ZNF540: variants seen among roughly 807,000 people sequenced by gnomAD.
ZNF540 encodes the protein zinc finger protein 540, also known as CTD-3064H18.6.
Under a neutral mutation model 11.8 loss-of-function variants are expected in ZNF540, and 3 were observed. The ratio of observed to expected loss-of-function variants is 0.25; its 90% CI spans 0.12 to 0.65. The LOEUF is 0.65. Ranked by LOEUF, ZNF540 falls within the 30% of genes least tolerant of loss-of-function variation. The probability of loss-of-function intolerance (pLI) is 0.83; values close to 1 mark genes in which losing one functional copy is unlikely to be tolerated. For synonymous variants in ZNF540, 247 were observed against 259.0 expected (o/e 0.95, Z 0.45); for missense variants, 709 against 793.1 (o/e 0.89, Z 1.27).
rs1471397396 is a variant in ZNF540 at position 37,599,632 on chromosome 19, G to A, written c.16G>A (p.Val6Met). Reference protein sequence around the residue: MAHALVTFRDVAIDFS... With the variant: MAHALMTFRDVAIDFS... ...TGTTGGTTTATGGTTTCAGGCATTG[G>A]TGACGTTCAGGGATGTGGCTATAGA... Residue 6 changes from valine to methionine, a missense_variant, in exon 3 of 5, where the codon GTG becomes ATG. Coordinates refer to ENST00000316433, the MANE Select transcript of ZNF540 (RefSeq NM_001172225.3). The A allele has an allele frequency of 1.2e-6, 2 of 1,614,018 alleles. No individual in the cohort carries two copies. Among genetic ancestry groups the A allele is most frequent in the Non-Finnish European group, 1.7e-6 (2 of 1,179,950 alleles).
intron 1 of ZNF540, among the ~76,000 whole-genome samples, chr19:37,578,793 C>CGCAGCAACCGCACCTCT (rs547383829): frequency 3.3e-5 from 5 of 152,202 alleles, no homozygotes; most frequent in Non-Finnish European, 7.3e-5. Flanking sequence ...GCTCTTCCAG[C>CGCAGCAACCGCACCTCT]GCAGCAACCG....
intron 4 of ZNF540, chr19:37,611,182 C>T (rs570775942): frequency 1.7e-4 from 24 of 140,190 alleles, no homozygotes; most frequent in South Asian, 1.4e-3. Context: ...CCATGATGCT[C>T]GGCCAATTTT....
intron 1 of ZNF540, chr19:37,555,932 A>G (rs1295126785): frequency 2.9e-6 from 2 of 700,916 alleles, no homozygotes; most frequent in Non-Finnish European, 5.2e-6. Context: ...AGGTGGCTAA[A>G]GTTACACATG....
At chr19:37,605,681 A>G (rs192271450) in intron 4 of ZNF540, among the ~76,000 whole-genome samples, 10 of 152,262 alleles carry the variant, frequency 6.6e-5, no homozygotes, top group Admixed American at 3.9e-4. Context: ...CAAAGTGGCT[A>G]TATTGTTTGG....
intron 4 of ZNF540, among the ~76,000 whole-genome samples, chr19:37,610,153 G>A (rs573925690): frequency 2.6e-5 from 4 of 152,046 alleles, no homozygotes; most frequent in African/African-American, 4.8e-5. Flanking sequence ...AGGTGAGAGA[G>A]ATTAGAGCTC....
intron 1 of ZNF540, among the ~76,000 whole-genome samples, chr19:37,559,442 A>G (rs1241075583): frequency 6.6e-6 from 1 of 152,230 alleles, no homozygotes; most frequent in Non-Finnish European, 1.5e-5. Context: ...AGAAAACTCA[A>G]CCTGAATACT....
In ZNF540 at chr19:37,611,963, A is replaced by G; in HGVS notation, c.683A>G (p.Tyr228Cys). 1 of 1,613,590 alleles carries G rather than the reference A, an allele frequency of 6.2e-7. No homozygotes were observed. The highest frequency in any genetic ancestry group is 8.5e-7 in the Non-Finnish European group (1 of 1,179,962). Residue 228 changes from tyrosine to cysteine, a missense_variant, in exon 5 of 5, where the codon TAT becomes TGT. Tyr to Cys is a radical substitution (Grantham distance 194, BLOSUM62 -2). Transcript: ENST00000316433. The stretch of plus-strand genomic sequence containing the variant: ...TGTGGGAAAGTTTTTAGTCATAGCT[A>G]TCAACTTACTCTGCATCAGAGATTT... ...EKCGKVFSHSYQLTLHQRFHT... is the reference protein window; with the variant it reads ...EKCGKVFSHSCQLTLHQRFHT...
At position 37,601,013 on chromosome 19, in the gene ZNF540, A is replaced by G. The variant is rs776367904; in HGVS notation, c.140A>G (p.Tyr47Cys). Residue 47 changes from tyrosine (Y) to cysteine (C), a missense_variant, in exon 4 of 5, where the codon TAT (tyrosine) becomes TGT (cysteine). Coordinates refer to ENST00000316433, the MANE Select transcript of ZNF540 (RefSeq NM_001172225.3). ...ENYNNLVSLG[Y>C]SGSKPDVITL... Reference sequence around the variant, plus strand: ...TTTATTTCTTTCTTGTAAGCAGGATATTCTGGCTCAAAGCCAGATGTGATT... The same window carrying G: ...TTTATTTCTTTCTTGTAAGCAGGATGTTCTGGCTCAAAGCCAGATGTGATT... 2 of 1,574,404 alleles carry G rather than the reference A, an allele frequency of 1.3e-6. No individual in the cohort carries two copies. The highest frequency in any genetic ancestry group is 4.7e-5 in the East Asian group (2 of 42,466).
rs199892724 is a variant in ZNF540, at chr19:37,561,048, CAAAAAAAAAAA to C, written c.-73+9399_-73+9409del. On this transcript the variant is annotated intron_variant, in intron 1 of 4. Coordinates refer to the ZNF540 transcript ENST00000592533. ...GCAACAAAATAAGACCCTGTCTCTA[CAAAAAAAAAAA>C]AAAAAAAAAAAAAAAGAAAGAAAAA... Among the ~76,000 whole-genome samples, 85 of 73,780 alleles carry C rather than the reference CAAAAAAAAAAA, an allele frequency of 1.2e-3. 2 individuals carry two copies. Among genetic ancestry groups the C allele is most frequent in the Middle Eastern group, 0.01 (1 of 98 alleles). 48.4% of individuals were successfully genotyped at this position (73,780 alleles called of 152,430 possible).
At chr19:37,609,559 G>T (rs2044112126) in intron 4 of ZNF540, among the ~76,000 whole-genome samples, 1 of 150,810 alleles carries the variant, frequency 6.6e-6, no homozygotes, top group African/African-American at 2.4e-5. Context: ...GGCAAAAAAA[G>T]TAGAGTGGCC....
At chr19:37,604,352 G>A (rs1267946189) in intron 4 of ZNF540, among the ~76,000 whole-genome samples, 1 of 125,914 alleles carries the variant, frequency 7.9e-6, no homozygotes, top group Non-Finnish European at 1.6e-5. Context: ...CTGTCGCCCA[G>A]GCTGGAGTGC....
rs1276162363 is a variant in ZNF540, at chr19:37,613,283, G to A, written c.*20G>A. Reference sequence around the variant, plus strand: ...ATTTAATATAAGAAAAGGTTTCCATGTCATGCTCTATTTATAGAATATCAA... The same window carrying A: ...ATTTAATATAAGAAAAGGTTTCCATATCATGCTCTATTTATAGAATATCAA... On this transcript the variant is annotated 3_prime_UTR_variant, in exon 5 of 5. Coordinates refer to ENST00000316433, the MANE Select transcript of ZNF540 (RefSeq NM_001172225.3). 3.5e-6 allele frequency: 5 copies of A among 1,442,214 alleles called. No homozygotes were observed. Among genetic ancestry groups the A allele is most frequent in the Non-Finnish European group, 4.6e-6 (5 of 1,087,578 alleles). The allele number at this position is 1,442,214 out of a possible 1,614,324, so 89.3% of individuals were successfully genotyped here.
chr19:37,555,690 G>T, intron 1 of ZNF540: 1 of 589,312 alleles, frequency 1.7e-6, no homozygotes, highest in South Asian at 2.1e-5. Context: ...TCAGTTAAAG[G>T]CCCGATTGGC....
In ZNF540 at chr19:37,598,874, C is replaced by T. The variant is rs527282259; in HGVS notation, c.9+418C>T. Among the ~76,000 whole-genome samples the T allele has an allele frequency of 2.6e-5, 4 of 152,212 alleles. No homozygotes were observed. The East Asian group carries it at 7.7e-4, about 29-fold the overall frequency. On this transcript the variant is annotated intron_variant, in intron 2 of 4. Transcript: ENST00000316433. The stretch of plus-strand genomic sequence containing the variant: ...GGTTGGGGCCTGCTTATAGAGAGGC[C>T]AGGGGATCTTTCCTGAGAATCTCTG...
At chr19:37,601,937 A>G (rs2044042660) in intron 4 of ZNF540, among the ~76,000 whole-genome samples, 1 of 152,244 alleles carries the variant, frequency 6.6e-6, no homozygotes, top group African/African-American at 2.4e-5. Context: ...CTTTTCCAAG[A>G]GTGATTGAAA....
rs188123185 is a variant in ZNF540, at chr19:37,612,479, G to A, written c.1199G>A (p.Arg400Gln). 74 of 1,614,044 alleles carry A rather than the reference G, an allele frequency of 4.6e-5. No individual in the cohort carries two copies. The highest frequency in any genetic ancestry group is 3.6e-4 in the South Asian group (33 of 91,076). Residue 400 changes from arginine (R) to glutamine (Q), a missense_variant, in exon 5 of 5, where the codon CGG (arginine) becomes CAG (glutamine). Transcript: ENST00000316433. Reference sequence around the variant, plus strand: ...TTTAATGTGCGTGGACAGCTTAATCGGCATAAAACAATCCATACTGGTATA... The same window carrying A: ...TTTAATGTGCGTGGACAGCTTAATCAGCATAAAACAATCCATACTGGTATA... ...KSFNVRGQLNRHKTIHTGIKP... is the reference protein window; with the variant it reads ...KSFNVRGQLNQHKTIHTGIKP...
At chr19:37,578,912 G>A (rs746208218) in intron 1 of ZNF540, among the ~76,000 whole-genome samples, 39 of 152,176 alleles carry the variant, frequency 2.6e-4, no homozygotes, top group South Asian at 8.3e-4. Context: ...ACCTCTGTAT[G>A]CCCTAAACAG....
chr19:37,611,638 A>C lies in ZNF540; in HGVS notation c.358A>C (p.Asn120His). Residue 120 changes from asparagine (N) to histidine (H), a missense_variant, in exon 5 of 5, where the codon AAT becomes CAT. Asn to His is a moderately conservative substitution (Grantham distance 68). Transcript: ENST00000316433. Reference sequence around the variant, plus strand: ...TCGTCTGAAAGGATCCATTTTTAGAAATGAGTGGCAGAACAAAAGTGAGTT... The same window carrying C: ...TCGTCTGAAAGGATCCATTTTTAGACATGAGTGGCAGAACAAAAGTGAGTT... ...TLRLKGSIFR[N>H]EWQNKSEFEG... The C allele has an allele frequency of 6.2e-7, 1 of 1,614,026 alleles. No individual in the cohort carries two copies. Among genetic ancestry groups the C allele is most frequent in the Non-Finnish European group, 8.5e-7 (1 of 1,179,968 alleles).
chr19:37,582,155 C>T (rs117093286), intron 1 of ZNF540, among the ~76,000 whole-genome samples: 5 of 152,232 alleles, frequency 3.3e-5, no homozygotes, highest in Non-Finnish European at 7.4e-5. Flanking sequence ...AATTCACTGT[C>T]CCACTCTAGT....
Sources: allele counts gnomAD v4.1 joint callset (sites outside exome capture counted in the v4.1 genomes callset), GRCh38; gene constraint gnomAD v4.1.1; transcripts MANE v1.5; gene names NCBI Gene and HGNC (gene_info 2026-07-23, HGNC 2026-07-21).